The following DIAPH2 variants were observed in gnomAD, a reference collection of about 807,000 sequenced individuals.
DIAPH2 encodes the protein diaphanous related formin 2.
DIAPH2 carries 35 observed loss-of-function variants against 92.7 expected under a neutral mutation model. That is an observed-to-expected ratio of 0.38 (90% CI 0.29 to 0.50). The LOEUF (loss-of-function observed/expected upper bound fraction) is 0.50. DIAPH2 is among the 20% of genes least tolerant of loss of function. The pLI is 0.94. For missense variants in DIAPH2, 701 were observed against 819.5 expected (o/e 0.86, Z 1.77); for synonymous variants, 301 against 280.4 (o/e 1.07, Z -0.73).
At position 97,200,917 on chromosome X, in the gene DIAPH2, G is replaced by A. The variant is rs1432064469; in HGVS notation, c.2720-46798G>A. 2.7e-5 allele frequency among the ~76,000 whole-genome samples: 3 copies of A among 111,262 alleles called. No homozygotes were observed. The Admixed American group carries it at 2.9e-4, about 11-fold the overall frequency. Reference sequence around the variant, plus strand: ...AGGGCTTGACAAATATCTCATACAGGAGAGCTCCAGCTGGCATCAGGCCGG... The same window carrying A: ...AGGGCTTGACAAATATCTCATACAGAAGAGCTCCAGCTGGCATCAGGCCGG... On this transcript the variant is annotated intron_variant, in intron 22 of 26. Transcript: ENST00000324765.
At chrX:97,401,050 C>CT (rs1306309040) in intron 25 of DIAPH2, among the ~76,000 whole-genome samples, 1 of 109,885 alleles carries the variant, frequency 9.1e-6, no homozygotes, top group Non-Finnish European at 1.9e-5. Flanking sequence ...ACTCTTCATT[C>CT]TTTTTTAGCA....
chrX:96,851,116 T>A (rs1350208884), intron 4 of DIAPH2, among the ~76,000 whole-genome samples: 1 of 111,628 alleles, frequency 9.0e-6, no homozygotes, highest in African/African-American at 3.3e-5. Context: ...TTTTGTTTGT[T>A]TTTGAGACAG....
intron 17 of DIAPH2, among the ~76,000 whole-genome samples, chrX:96,970,350 GTTGT>G (rs147570185): frequency 3.1e-4 from 33 of 106,094 alleles, no homozygotes; most frequent in South Asian, 4.4e-4. Context: ...TCTGGGTGTT[GTTGT>G]TTGTTTGTTT....
chrX:96,908,095 C>T (rs1167737460), intron 5 of DIAPH2, among the ~76,000 whole-genome samples: 2 of 111,322 alleles, frequency 1.8e-5, no homozygotes, highest in Non-Finnish European at 3.8e-5. Context: ...AAGTAGTTGC[C>T]AGGATGCTGG....
intron 22 of DIAPH2, among the ~76,000 whole-genome samples, chrX:97,216,018 G>A (rs192804163): frequency 2.7e-5 from 3 of 111,871 alleles, no homozygotes; most frequent in African/African-American, 9.7e-5. Flanking sequence ...CTTATTCACC[G>A]GCCTCAACTG....
At chrX:96,854,464 A>G (rs887792967) in intron 4 of DIAPH2, among the ~76,000 whole-genome samples, 36 of 104,859 alleles carry the variant, frequency 3.4e-4, no homozygotes, top group Non-Finnish European at 6.7e-4. Flanking sequence ...CCCCTTATCC[A>G]CAGGGAATAT....
intron 23 of DIAPH2, among the ~76,000 whole-genome samples, chrX:97,307,929 AAAAG>A (rs1279676357): frequency 2.7e-5 from 3 of 109,388 alleles, no homozygotes; most frequent in African/African-American, 6.6e-5. Flanking sequence ...AAAAAAAAGA[AAAAG>A]AAAAAGATAT....
chrX:97,584,130 T>G (rs945485578), intron 26 of DIAPH2, among the ~76,000 whole-genome samples: 4 of 112,163 alleles, frequency 3.6e-5, no homozygotes, highest in Non-Finnish European at 7.5e-5. Flanking sequence ...AAATCACCTG[T>G]GTTCTGCGTC....
chrX:97,534,403 T>G (rs925604878), intron 26 of DIAPH2, among the ~76,000 whole-genome samples: 2 of 110,636 alleles, frequency 1.8e-5, no homozygotes, highest in East Asian at 5.6e-4. Context: ...TTGGTCATGT[T>G]CAAGAATTGA....
chrX:97,596,659 C>T, intron 26 of DIAPH2, among the ~76,000 whole-genome samples: 1 of 111,732 alleles, frequency 8.9e-6, no homozygotes, highest in Non-Finnish European at 1.9e-5. Context: ...ATGTATATCA[C>T]CTCTGGCAGC....
intron 4 of DIAPH2, among the ~76,000 whole-genome samples, chrX:96,785,368 C>T (rs980819385): frequency 2.7e-5 from 3 of 109,148 alleles, no homozygotes; most frequent in South Asian, 4.0e-4. Flanking sequence ...GATGGAATTT[C>T]GTGAGGGCTC....
intron 21 of DIAPH2, among the ~76,000 whole-genome samples, chrX:97,138,350 A>G (rs1377695888): frequency 9.7e-5 from 10 of 103,566 alleles, no homozygotes; most frequent in African/African-American, 3.5e-4. Context: ...TATCTTTCAT[A>G]ATATAACGTT....
intron 22 of DIAPH2, among the ~76,000 whole-genome samples, chrX:97,174,473 C>T: frequency 9.0e-6 from 1 of 111,523 alleles, no homozygotes; most frequent in East Asian, 2.8e-4. Context: ...TGCTTTATGA[C>T]TTTATTATGT....
chrX:96,939,484 G>GTGTGTATATATATATCTA, intron 12 of DIAPH2, 102 bp downstream of exon 12: 2 of 152,157 alleles, frequency 1.3e-5, no homozygotes, highest in Non-Finnish European at 2.6e-5. Context: ...ATATGTGTGT[G>GTGTGTATATATATATCTA]TATGTATATA....
intron 17 of DIAPH2, among the ~76,000 whole-genome samples, chrX:97,033,570 A>G (rs2066391030): frequency 8.9e-6 from 1 of 112,112 alleles, no homozygotes; most frequent in South Asian, 3.7e-4. Flanking sequence ...AAACAAAGCA[A>G]TAGAGAATGT....
intron 22 of DIAPH2, among the ~76,000 whole-genome samples, chrX:97,166,560 A>G (rs2067413926): frequency 1.8e-5 from 2 of 112,023 alleles, no homozygotes; most frequent in Admixed American, 1.9e-4. Flanking sequence ...CCCTCCAGAA[A>G]GACTATAAAA....
At position 96,918,559 on chromosome X, in the gene DIAPH2, G is replaced by A; in HGVS notation, c.920G>A (p.Arg307Lys). 2 of 1,207,698 alleles carry A rather than the reference G, an allele frequency of 1.7e-6. No individual in the cohort carries two copies. The highest frequency in any genetic ancestry group is 2.2e-6 in the Non-Finnish European group (2 of 893,672). ...ACAACAGCAGCAGAAAGAAATAACA[G>A]GGAACGATTTTCACCAATTGTGGAA... ...AITTAAERNNRERFSPIVEGL... is the reference protein window; with the variant it reads ...AITTAAERNNKERFSPIVEGL... The change falls in exon 9 of 27, where the codon AGG becomes AAG. Residue 307 changes from arginine to lysine, a missense_variant. Arg to Lys is a conservative substitution (Grantham distance 26). Transcript: ENST00000324765.
chrX:97,553,722 G>A (rs908767313), intron 26 of DIAPH2, among the ~76,000 whole-genome samples: 34 of 108,263 alleles, frequency 3.1e-4, no homozygotes, highest in African/African-American at 1.1e-3. Flanking sequence ...AAGCATAAAG[G>A]CAAAACAGTT....
chrX:97,005,414 GTC>G lies in DIAPH2; in HGVS notation c.2050+40212_2050+40213del, dbSNP rs200452655. ...TTTGGTAGAATTTAGCAGTGAAACCGTCTCTCGGATTTCTTTACTAGGAGACG... is the reference window on the plus strand; with the variant it reads ...TTTGGTAGAATTTAGCAGTGAAACCGTCTCGGATTTCTTTACTAGGAGACG... On this transcript the variant is annotated intron_variant, in intron 17 of 26. Coordinates refer to ENST00000324765, the MANE Select transcript of DIAPH2 (RefSeq NM_006729.5). 4.3e-4 allele frequency among the ~76,000 whole-genome samples: 47 copies of G among 109,326 alleles called. No individual in the cohort carries two copies. The East Asian group carries it at 1.0e-2, about 23-fold the overall frequency. The allele number at this position is 109,326 out of a possible 115,157, so 94.9% of individuals were successfully genotyped here. A position where few individuals can be genotyped will look rare whatever the true frequency, so the allele number is the denominator to read the frequency against.
Sources: allele counts gnomAD v4.1 joint callset (sites outside exome capture counted in the v4.1 genomes callset), GRCh38; gene constraint gnomAD v4.1.1; transcripts MANE v1.5; gene names NCBI Gene and HGNC (gene_info 2026-07-23, HGNC 2026-07-21).